Variants in XKR9 observed in about 807,000 individuals in gnomAD.
XKR9 encodes the protein XK-related protein 9.
A neutral mutation model predicts 32.0 loss-of-function variants in XKR9; 32 were observed. The ratio of observed to expected loss-of-function variants is 1.00; its 90% CI spans 0.76 to 1.34. The LOEUF (loss-of-function observed/expected upper bound fraction) is 1.34, where lower values mean the gene tolerates loss of function less well. Ranked by LOEUF, XKR9 falls within the 40% of genes most tolerant of loss-of-function variation. The probability of loss-of-function intolerance (pLI) is 0.00; values close to 1 mark genes in which losing one functional copy is unlikely to be tolerated. For missense variants in XKR9, 546 were observed against 429.7 expected, an observed-to-expected ratio of 1.27 and a Z score of -2.39; for synonymous variants, 168 against 143.4, an observed-to-expected ratio of 1.17 and a Z score of -1.22.
chr8:71,046,227 A>G, the XKR9 span, among the ~76,000 whole-genome samples: 2 of 152,190 alleles, frequency 1.3e-5, no homozygotes, highest in African/African-American at 2.4e-5. Flanking sequence ...GAACCTTAGC[A>G]TTTCTTTAAA....
At chr8:71,047,159 A>G in the XKR9 span, among the ~76,000 whole-genome samples, 15 of 152,362 alleles carry the variant, frequency 9.8e-5, no homozygotes, top group East Asian at 2.7e-3. Context: ...GTGCAAACAC[A>G]TCATTAACAG....
chr8:70,978,282 G>A, the XKR9 span, among the ~76,000 whole-genome samples: 1 of 152,274 alleles, frequency 6.6e-6, no homozygotes, highest in Admixed American at 6.5e-5. Flanking sequence ...CCATTATGAT[G>A]TTAGCTGGTT....
the XKR9 span, among the ~76,000 whole-genome samples, chr8:70,913,733 A>G: frequency 6.6e-6 from 1 of 152,150 alleles, no homozygotes; most frequent in East Asian, 1.9e-4. Context: ...CAGAAGTCCT[A>G]TGTTGGCCTT....
chr8:71,041,999 A>G, the XKR9 span, among the ~76,000 whole-genome samples: 1 of 152,198 alleles, frequency 6.6e-6, no homozygotes, highest in South Asian at 2.1e-4. Context: ...GCCAATGAGG[A>G]ATAAATGCCT....
intron 4 of XKR9, among the ~76,000 whole-genome samples, chr8:70,708,280 C>T (rs1321194903): frequency 6.6e-6 from 1 of 151,976 alleles, no homozygotes; most frequent in Non-Finnish European, 1.5e-5. Context: ...ATCTTACAGC[C>T]TGTATTATGG....
At chr8:70,985,023 T>C in the XKR9 span, among the ~76,000 whole-genome samples, 1 of 152,202 alleles carries the variant, frequency 6.6e-6, no homozygotes, top group South Asian at 2.1e-4. Context: ...GTATAACTAA[T>C]AATAAATTAA....
At chr8:70,988,823 C>G in the XKR9 span, among the ~76,000 whole-genome samples, 1 of 152,156 alleles carries the variant, frequency 6.6e-6, no homozygotes, top group Non-Finnish European at 1.5e-5. Context: ...TGAATCCCTC[C>G]TCATCCCTCC....
the XKR9 span, among the ~76,000 whole-genome samples, chr8:70,983,241 T>G: frequency 6.6e-6 from 1 of 152,208 alleles, no homozygotes; most frequent in Non-Finnish European, 1.5e-5. Flanking sequence ...TTGTTCTTCC[T>G]CATTGCCTGA....
chr8:70,963,205 G>A, the XKR9 span, among the ~76,000 whole-genome samples: 1 of 152,094 alleles, frequency 6.6e-6, no homozygotes, highest in Non-Finnish European at 1.5e-5. Flanking sequence ...ACTTATAAGT[G>A]AGAACATTTG....
the XKR9 span, among the ~76,000 whole-genome samples, chr8:70,887,491 A>C: frequency 1.0e-3 from 158 of 152,304 alleles, 1 homozygote; most frequent in Middle Eastern, 6.8e-3. Flanking sequence ...TGGGAATAGC[A>C]TTGAATCTAT....
At chr8:70,757,207 C>G (rs58293390) in intron 2 of XKR9, among the ~76,000 whole-genome samples, 11,027 of 151,882 alleles carry the variant, frequency 0.073, 470 homozygotes, top group Non-Finnish European at 0.089. Flanking sequence ...TATGAATTTT[C>G]TCATTTCTCC....
intron 2 of XKR9, among the ~76,000 whole-genome samples, chr8:70,777,653 C>A (rs1279207379): frequency 6.6e-6 from 1 of 152,202 alleles, no homozygotes; most frequent in African/African-American, 2.4e-5. Context: ...GCTATTCTAA[C>A]TGGCATGAGA....
the XKR9 span, among the ~76,000 whole-genome samples, chr8:70,878,532 C>G: frequency 6.6e-6 from 1 of 151,904 alleles, no homozygotes; most frequent in East Asian, 1.9e-4. Flanking sequence ...AGACTTTAAA[C>G]CAACAAAGAT....
the XKR9 span, among the ~76,000 whole-genome samples, chr8:71,029,164 G>C: frequency 2.0e-5 from 3 of 151,796 alleles, no homozygotes; most frequent in Non-Finnish European, 4.4e-5. Flanking sequence ...CCAAGAGTTG[G>C]GAGTTACAAA....
chr8:70,890,232 TA>T, the XKR9 span, among the ~76,000 whole-genome samples: 2 of 151,888 alleles, frequency 1.3e-5, no homozygotes, highest in South Asian at 2.1e-4. Context: ...TTTCTATATA[TA>T]AGATCATGCC....
the XKR9 span, among the ~76,000 whole-genome samples, chr8:70,911,141 G>T: frequency 1.3e-5 from 2 of 152,170 alleles, no homozygotes; most frequent in Non-Finnish European, 2.9e-5. Context: ...CTTCATAACA[G>T]TGCCTAGACT....
chr8:70,691,336 A>G (rs1217857791), intron 3 of XKR9, among the ~76,000 whole-genome samples: 1 of 152,188 alleles, frequency 6.6e-6, no homozygotes, highest in African/African-American at 2.4e-5. Flanking sequence ...CATAGTTGGC[A>G]AATTCTTTCT....
At chr8:70,753,323 T>C (rs1481515530) in intron 2 of XKR9, among the ~76,000 whole-genome samples, 2 of 151,872 alleles carry the variant, frequency 1.3e-5, no homozygotes, top group Non-Finnish European at 2.9e-5. Context: ...CACAGCCGAA[T>C]TCTACCAGAG....
At chr8:70,803,483 A>T in the XKR9 span, among the ~76,000 whole-genome samples, 15 of 152,320 alleles carry the variant, frequency 9.8e-5, no homozygotes, top group African/African-American at 2.9e-4. Context: ...TTGCTGGGGA[A>T]CTAGTGCAAT....
Sources: allele counts gnomAD v4.1 joint callset (sites outside exome capture counted in the v4.1 genomes callset), GRCh38; gene constraint gnomAD v4.1.1; transcripts MANE v1.5; gene names NCBI Gene and HGNC (gene_info 2026-07-23, HGNC 2026-07-21).